NFIB: variants seen among roughly 807,000 people sequenced by gnomAD.
The protein encoded by NFIB is nuclear factor I B.
A neutral mutation model predicts 61.5 loss-of-function variants in NFIB; 11 were observed. That is an observed-to-expected ratio of 0.18 (90% CI 0.11 to 0.30). The LOEUF is 0.30. NFIB is among the 10% of genes least tolerant of loss of function. The pLI, the probability that NFIB is intolerant of heterozygous loss-of-function variation, is 1.00. For synonymous variants in NFIB, 260 were observed against 216.5 expected (o/e 1.20, Z -1.76); for missense variants, 471 against 608.9 (o/e 0.77, Z 2.38).
At chr9:14,252,671 T>C (rs2055772250) in intron 2 of NFIB, among the ~76,000 whole-genome samples, 1 of 152,238 alleles carries the variant, frequency 6.6e-6, no homozygotes, top group Non-Finnish European at 1.5e-5. Flanking sequence ...TACTACTGGA[T>C]ACATCCTTAT....
chr9:14,400,320 T>G (rs2061730627), upstream of NFIB, among the ~76,000 whole-genome samples: 1 of 152,238 alleles, frequency 6.6e-6, no homozygotes, highest in Non-Finnish European at 1.5e-5. Context: ...AAACGATGTT[T>G]GCTGAAGTAC....
the NFIB span, among the ~76,000 whole-genome samples, chr9:14,419,216 C>T: frequency 6.7e-6 from 1 of 150,348 alleles, no homozygotes; most frequent in South Asian, 2.1e-4. Context: ...AGATTTTTTT[C>T]CCTCAACATG....
intron 2 of NFIB, among the ~76,000 whole-genome samples, chr9:14,242,704 G>A (rs1158195505): frequency 6.6e-6 from 1 of 152,050 alleles, no homozygotes; most frequent in Non-Finnish European, 1.5e-5. Flanking sequence ...ATCATGCATG[G>A]GTATATGATC....
rs138022386 is a variant in NFIB at position 14,116,049 on chromosome 9, C to T, written c.1384+159G>A. ...TGTGATAGCAGGGCCACATCCATGC[C>T]TGCTAGCTCCACTTAAATGAGAAAT... is the stretch of plus-strand genomic sequence containing the variant. On this transcript the variant is annotated intron_variant, in intron 9 of 10. Coordinates refer to ENST00000380953, the MANE Select transcript of NFIB (RefSeq NM_001190737.2). 1.4e-3 allele frequency: 1,141 copies of T among 843,510 alleles called. 11 individuals are homozygous for T. The African/African-American group carries it at 0.016, about 12-fold the overall frequency. 52.3% of individuals were successfully genotyped at this position (843,510 alleles called of 1,614,324 possible). A position where few individuals can be genotyped will look rare whatever the true frequency, so the allele number is the denominator to read the frequency against.
At chr9:14,334,491 G>A (rs1195439593) in intron 1 of NFIB, among the ~76,000 whole-genome samples, 1 of 152,066 alleles carries the variant, frequency 6.6e-6, no homozygotes, top group Non-Finnish European at 1.5e-5. Flanking sequence ...TCTTTGAAAT[G>A]TCTGTTCAAA....
chr9:14,228,629 T>C (rs1216238281), intron 2 of NFIB, among the ~76,000 whole-genome samples: 1 of 152,248 alleles, frequency 6.6e-6, no homozygotes, highest in African/African-American at 2.4e-5. Context: ...TCCACATAAA[T>C]TCAAATTGCT....
In NFIB at chr9:14,221,385, C is replaced by T. The variant is rs546049296; in HGVS notation, c.563-41605G>A. 2.0e-5 allele frequency among the ~76,000 whole-genome samples: 3 copies of T among 152,244 alleles called. No homozygotes were observed. In the East Asian group the frequency reaches 5.8e-4, roughly 29 times the overall value. Reference sequence around the variant, plus strand: ...TATAAATAGATTTGGTTGAATCACACAATATTTGTAATACGCAGCTAGATT... The same window carrying T: ...TATAAATAGATTTGGTTGAATCACATAATATTTGTAATACGCAGCTAGATT... On this transcript the variant is annotated intron_variant, in intron 2 of 10. Transcript: ENST00000380953.
chr9:14,202,681 C>T (rs1338582297), intron 2 of NFIB, among the ~76,000 whole-genome samples: 2 of 152,146 alleles, frequency 1.3e-5, no homozygotes, highest in Admixed American at 6.5e-5. Flanking sequence ...AGAAAAACGA[C>T]CCATATGTGT....
chr9:14,339,969 T>C (rs2060930903), intron 1 of NFIB, among the ~76,000 whole-genome samples: 1 of 152,204 alleles, frequency 6.6e-6, no homozygotes, highest in South Asian at 2.1e-4. Flanking sequence ...AATTTAGGAA[T>C]GCACCGTAAG....
chr9:14,319,049 C>A (rs999794376), upstream of NFIB, among the ~76,000 whole-genome samples: 5 of 152,126 alleles, frequency 3.3e-5, no homozygotes, highest in Non-Finnish European at 7.4e-5. Flanking sequence ...ATTGCTAGCC[C>A]TTTGCACTGA....
the NFIB span, among the ~76,000 whole-genome samples, chr9:14,444,292 G>A: frequency 5.9e-5 from 9 of 152,208 alleles, no homozygotes; most frequent in African/African-American, 2.2e-4. Context: ...CCTAGGGAGA[G>A]AGTGTAGATT....
At chr9:14,456,477 C>G in the NFIB span, among the ~76,000 whole-genome samples, 1 of 152,058 alleles carries the variant, frequency 6.6e-6, no homozygotes, top group Admixed American at 6.6e-5. Flanking sequence ...CAAAGAACTT[C>G]TACAAATCAA....
Position 14,381,073 on chromosome 9 carries a change from CAAAAA to C in NFIB, c.108+17446_108+17450del, listed in dbSNP as rs34848529. On this transcript the variant is annotated intron_variant, in intron 1 of 8. Transcript: ENST00000380934. The stretch of plus-strand genomic sequence containing the variant: ...TGGGCAACAGAGCGAGACTCCGTCT[CAAAAA>C]AAAAAAAAAAAAAAAAAAGATAATT... 4.0e-4 allele frequency among the ~76,000 whole-genome samples: 33 copies of C among 82,558 alleles called. No homozygotes were observed. The East Asian group carries it at 0.012, about 30-fold the overall frequency. The allele number at this position is 82,558 out of a possible 152,430, so 54.2% of individuals were successfully genotyped here.
intron 2 of NFIB, among the ~76,000 whole-genome samples, chr9:14,245,822 G>A (rs971315896): frequency 6.6e-6 from 1 of 152,102 alleles, no homozygotes; most frequent in East Asian, 1.9e-4. Flanking sequence ...GCAGTGAGCC[G>A]AGATCGCACC....
chr9:14,303,212 A>G (rs897129772), intron 2 of NFIB, among the ~76,000 whole-genome samples: 5 of 152,238 alleles, frequency 3.3e-5, no homozygotes, highest in African/African-American at 9.6e-5. Flanking sequence ...TAGAAATTGC[A>G]TAGCAAATAA....
At chr9:14,306,456 T>G (rs890647663) in intron 2 of NFIB, among the ~76,000 whole-genome samples, 7 of 152,222 alleles carry the variant, frequency 4.6e-5, no homozygotes, top group Non-Finnish European at 8.8e-5. Flanking sequence ...ATACTTTTGA[T>G]ATTATCTATC....
chr9:14,530,072 A>T, the NFIB span, among the ~76,000 whole-genome samples: 1 of 152,226 alleles, frequency 6.6e-6, no homozygotes, highest in Non-Finnish European at 1.5e-5. Flanking sequence ...TGTAGAGAGT[A>T]AACCTTTTTA....
the NFIB span, among the ~76,000 whole-genome samples, chr9:14,492,858 C>T: frequency 1.3e-5 from 2 of 152,178 alleles, no homozygotes; most frequent in African/African-American, 4.8e-5. Flanking sequence ...GGTGTGTCCA[C>T]TGTGGAAGAG....
chr9:14,251,181 G>T (rs2055561821), intron 2 of NFIB, among the ~76,000 whole-genome samples: 1 of 152,166 alleles, frequency 6.6e-6, no homozygotes, highest in Non-Finnish European at 1.5e-5. Context: ...TTGCCTTTGG[G>T]TGTTTGTTTT....
Sources: gnomAD v4.1 joint callset for allele counts (sites outside exome capture counted in the v4.1 genomes callset) on GRCh38, gnomAD v4.1.1 for gene constraint, MANE v1.5 for transcripts, NCBI Gene and HGNC (gene_info 2026-07-23, HGNC 2026-07-21) for gene names.